The following EIF4A2 variants were observed in gnomAD, a reference collection of about 807,000 sequenced individuals.
EIF4A2 encodes eukaryotic initiation factor 4A-II.
In EIF4A2, 9 loss-of-function variants were observed where a neutral mutation model predicts 50.6. The ratio of observed to expected loss-of-function variants is 0.18; its 90% CI spans 0.11 to 0.31. The LOEUF (loss-of-function observed/expected upper bound fraction) is 0.31, where lower values mean the gene tolerates loss of function less well. Ranked by LOEUF, EIF4A2 falls within the 10% of genes least tolerant of loss-of-function variation. The pLI is 1.00. For synonymous variants in EIF4A2, 215 were observed against 164.4 expected, an observed-to-expected ratio of 1.31 and a Z score of -2.35; for missense variants, 182 against 501.8, an observed-to-expected ratio of 0.36 and a Z score of 6.09.
chr3:186,788,655 A>G (rs1721926371), intron 10 of EIF4A2: 3 of 233,528 alleles, frequency 1.3e-5, no homozygotes, highest in Non-Finnish European at 2.5e-5. Context: ...ACCATACCAA[A>G]TATTTGTTTT....
intron 9 of EIF4A2, 44 bp from the exon 10 acceptor site, chr3:186,787,759 A>ATG: frequency 6.2e-7 from 1 of 1,613,382 alleles, no homozygotes; most frequent in Non-Finnish European, 8.5e-7. Context: ...GACAGGTGTC[A>ATG]AGTTTTTTTG....
At position 186,787,527 on chromosome 3, in the gene EIF4A2, T is replaced by A; in HGVS notation, c.942T>A (p.Val314=). 1 of 1,613,634 alleles carries A rather than the reference T, an allele frequency of 6.2e-7. No individual in the cohort carries two copies. The highest frequency in any genetic ancestry group is 1.1e-5 in the South Asian group (1 of 91,060). ...HGDMDQKERD[V]IMREFRSGSS... ...ACATGGACCAGAAGGAGAGAGATGTTATCATGAGGGAATTCCGGTCAGGGT... is the reference window on the plus strand; with the variant it reads ...ACATGGACCAGAAGGAGAGAGATGTAATCATGAGGGAATTCCGGTCAGGGT... Residue 314 remains valine, a synonymous_variant, in exon 9 of 11, where the codon GTT becomes GTA. Coordinates refer to ENST00000323963, the MANE Select transcript of EIF4A2 (RefSeq NM_001967.4).
chr3:186,789,236 G>A lies in EIF4A2; in HGVS notation c.1191G>A (p.Glu397=). 1 of 1,611,500 alleles carries A rather than the reference G, an allele frequency of 6.2e-7. No homozygotes were observed. Among genetic ancestry groups the A allele is most frequent in the Non-Finnish European group, 8.5e-7 (1 of 1,179,290 alleles). Reference sequence around the variant, plus strand: ...AGACTTTCTACAATACTACAGTGGAGGAGATGCCCATGAATGTGGCTGACC... The same window carrying A: ...AGACTTTCTACAATACTACAGTGGAAGAGATGCCCATGAATGTGGCTGACC... ...DIETFYNTTV[E]EMPMNVADLI is the part of the protein sequence containing the mutation. Residue 397 remains glutamate (E), a synonymous_variant, in exon 11 of 11, where the codon GAG becomes GAA. Transcript: ENST00000323963.
intron 6 of EIF4A2, 108 bp downstream of exon 6, chr3:186,786,381 C>A: frequency 6.6e-7 from 1 of 1,518,338 alleles, no homozygotes; most frequent in Non-Finnish European, 8.9e-7. Flanking sequence ...CTGCTTAAAG[C>A]ACTTGATGCA....
chr3:186,784,541 G>A (rs368094046), intron 2 of EIF4A2, 23 bp from the exon 3 acceptor site: 1 of 1,614,160 alleles, frequency 6.2e-7, no homozygotes, highest in Admixed American at 1.7e-5. Context: ...ATTTATGCGT[G>A]CATTATTTTT....
chr3:186,786,377 A>G, intron 6 of EIF4A2, 104 bp downstream of exon 6: 1 of 1,520,838 alleles, frequency 6.6e-7, no homozygotes, highest in South Asian at 1.3e-5. Flanking sequence ...CCCCCTGCTT[A>G]AAGCACTTGA....
intron 1 of EIF4A2, chr3:186,784,090 C>T (rs970981867): frequency 6.4e-6 from 3 of 470,206 alleles, no homozygotes; most frequent in African/African-American, 1.9e-5. Flanking sequence ...AGGACCGGTG[C>T]CGGTGAACCG....
chr3:186,787,727 G>A lies in EIF4A2; in HGVS notation c.1000-76G>A, dbSNP rs186300039. On this transcript the variant is annotated intron_variant, in intron 9 of 10. Transcript: ENST00000323963. ...TGGGCTATACCACTTAGTATAGTTCGCTACTATTTTGTGGCCTACATGACA... is the reference window on the plus strand; with the variant it reads ...TGGGCTATACCACTTAGTATAGTTCACTACTATTTTGTGGCCTACATGACA... 3.1e-4 allele frequency: 500 copies of A among 1,595,080 alleles called. 1 individual carries two copies. In the African/African-American group the frequency reaches 5.5e-3, roughly 18 times the overall value.
At chr3:186,788,517 T>C in intron 10 of EIF4A2, 1 of 1,017,610 alleles carries the variant, frequency 9.8e-7, no homozygotes, top group Non-Finnish European at 1.3e-6. Flanking sequence ...TAGGGAACCT[T>C]TCTTATTAGG....
intron 10 of EIF4A2, chr3:186,788,354 CGTTGACGT>C: frequency 7.8e-7 from 1 of 1,289,460 alleles, no homozygotes; most frequent in Non-Finnish European, 1.0e-6. Context: ...TCAGAAACGG[CGTTGACGT>C]AATTTAGGAC....
At chr3:186,785,544 T>TG (rs1482613677) in intron 4 of EIF4A2, 1 of 312,008 alleles carries the variant, frequency 3.2e-6, no homozygotes, top group Non-Finnish European at 6.0e-6. Flanking sequence ...CAATACCCTC[T>TG]GGGGGAAAAA....
intron 1 of EIF4A2, 40 bp downstream of exon 1, chr3:186,783,679 C>A: frequency 3.7e-6 from 6 of 1,613,998 alleles, no homozygotes; most frequent in Non-Finnish European, 5.1e-6. Context: ...TAGTGAAGGT[C>A]ATAGGGCGCC....
In EIF4A2 at chr3:186,787,258, T is replaced by C. The variant is rs1187553529; in HGVS notation, c.903T>C (p.Ser301=). ...TGCATGCCAGAGACTTCACAGTTTC[T>C]GCTCTGGTAAGAGGTGTTCTAAAAT... ...EKMHARDFTV[S]ALHGDMDQKE... is the part of the protein sequence containing the mutation. The change falls in exon 8 of 11, where the codon TCT becomes TCC. Residue 301 remains serine, a synonymous_variant. Coordinates refer to ENST00000323963, the MANE Select transcript of EIF4A2 (RefSeq NM_001967.4). The C allele has an allele frequency of 1.2e-6, 2 of 1,614,006 alleles. No individual in the cohort carries two copies. Among genetic ancestry groups the C allele is most frequent in the East Asian group, 4.5e-5 (2 of 44,892 alleles).
intron 7 of EIF4A2, 102 bp downstream of exon 7, chr3:186,786,747 CAG>C (rs1560085404): frequency 6.8e-7 from 1 of 1,469,192 alleles, no homozygotes; most frequent in Non-Finnish European, 9.5e-7. Context: ...ATAATGCTAG[CAG>C]AGTACACACA....
chr3:186,783,643 T>C lies in EIF4A2; in HGVS notation c.29+4T>C. On this transcript the variant is annotated splice_donor_region_variant and intron_variant, in intron 1 of 10. Transcript: ENST00000323963. ...GTGGCTCCGCGGATTATAACAGGTA[T>C]GCAGTCTGTTGGCGGTCGCGGTCTG... The C allele has an allele frequency of 6.2e-7, 1 of 1,614,128 alleles. No individual in the cohort carries two copies. Among genetic ancestry groups the C allele is most frequent in the Non-Finnish European group, 8.5e-7 (1 of 1,180,018 alleles).
At chr3:186,784,133 C>G in intron 1 of EIF4A2, 1 of 516,164 alleles carries the variant, frequency 1.9e-6, no homozygotes, top group Admixed American at 3.5e-5. Flanking sequence ...GCTCCGCCCG[C>G]GTCAATCACC....
rs773576974 is a variant in EIF4A2, at chr3:186,784,497, C to G, written c.75+20C>G. ...ATCGAGGTAAGAAACGGTTGTGGAT[C>G]TTGAAGCTTTGGAAAGGTGAGTGTG... On this transcript the variant is annotated intron_variant, in intron 2 of 10. Transcript: ENST00000323963. 6.2e-7 allele frequency: 1 copy of G among 1,614,022 alleles called. No individual in the cohort carries two copies. Among genetic ancestry groups the G allele is most frequent in the African/African-American group, 1.3e-5 (1 of 74,900 alleles).
At chr3:186,783,735 A>T in intron 1 of EIF4A2, 96 bp downstream of exon 1, 1 of 1,589,178 alleles carries the variant, frequency 6.3e-7, no homozygotes. Context: ...CTCTAAATTA[A>T]TGGACGTTTT....
rs758375877 is a variant in EIF4A2 at position 186,784,560 on chromosome 3, A to C, written c.76-4A>C. 68 of 1,614,054 alleles carry C rather than the reference A, an allele frequency of 4.2e-5. No individual in the cohort carries two copies. The South Asian group carries it at 7.5e-4, about 18-fold the overall frequency. Reference sequence around the variant, plus strand: ...ATGCGTGCATTATTTTTTCTAACTTACAGAGCAACTGGAATGAGATTGTTG... The same window carrying C: ...ATGCGTGCATTATTTTTTCTAACTTCCAGAGCAACTGGAATGAGATTGTTG... On this transcript the variant is annotated splice_region_variant and splice_polypyrimidine_tract_variant and intron_variant, in intron 2 of 10. Transcript: ENST00000323963.
Sources: gnomAD v4.1 joint callset for allele counts on GRCh38, gnomAD v4.1.1 for gene constraint, MANE v1.5 for transcripts, NCBI Gene and HGNC (gene_info 2026-07-23, HGNC 2026-07-21) for gene names.